MSH6: variants seen among roughly 807,000 people sequenced by gnomAD.
MSH6 encodes mutS homolog 6, also known as DNA mismatch repair protein Msh6.
Under a neutral mutation model 119.1 loss-of-function variants are expected in MSH6, and 85 were observed. The observed-to-expected ratio is 0.71, with a 90% CI of 0.60 to 0.85. The LOEUF (loss-of-function observed/expected upper bound fraction) is 0.85, where lower values mean the gene tolerates loss of function less well. MSH6 is among the 40% of genes least tolerant of loss of function. MSH6 has a pLI of 0.00. For missense variants in MSH6, 2,163 were observed against 1,655.3 expected (o/e 1.31, Z -5.32); for synonymous variants, 830 against 586.9 (o/e 1.41, Z -5.99).
chr2:47,791,092 G>A lies in MSH6; in HGVS notation c.426G>A (p.Trp142Ter), dbSNP rs63750342. 1 of 1,614,130 alleles carries A rather than the reference G, an allele frequency of 6.2e-7. No individual in the cohort carries two copies. Among genetic ancestry groups the A allele is most frequent in the Non-Finnish European group, 8.5e-7 (1 of 1,180,030 alleles). ...QFFDDSPTRG[W>*]VSKRLLKPYT... ...TTGATGACAGCCCAACAAGGGGCTG[G>A]GTTAGCAAAAGGCTTTTAAAGCCAT... The change falls in exon 2 of 10, where the codon TGG (tryptophan) becomes TGA (stop). Residue 142 changes from tryptophan to a stop codon, truncating the protein, a stop_gained. Coordinates refer to ENST00000234420, the MANE Select transcript of MSH6 (RefSeq NM_000179.3). LOFTEE classifies it high-confidence loss of function.
intron 2 of MSH6, among the ~76,000 whole-genome samples, chr2:47,793,829 C>T (rs189300054): frequency 4.6e-5 from 7 of 151,456 alleles, no homozygotes; most frequent in Admixed American, 2.0e-4. Context: ...CTCCTGGGTT[C>T]AAGCGATTCT....
At chr2:47,792,699 C>T (rs1411884663) in intron 2 of MSH6, among the ~76,000 whole-genome samples, 1 of 152,084 alleles carries the variant, frequency 6.6e-6, no homozygotes, top group African/African-American at 2.4e-5. Flanking sequence ...GGGGGTCTCA[C>T]TCTGTCACCC....
chr2:47,793,326 A>ATC (rs1304997519), intron 2 of MSH6, among the ~76,000 whole-genome samples: 8 of 126,018 alleles, frequency 6.3e-5, no homozygotes, highest in Admixed American at 1.5e-4. Context: ...CTCAAAAAAA[A>ATC]AAAAAAAAAA....
chr2:47,788,487 T>G (rs954517560), intron 1 of MSH6, among the ~76,000 whole-genome samples: 2 of 150,416 alleles, frequency 1.3e-5, no homozygotes, highest in Non-Finnish European at 3.0e-5. Flanking sequence ...ACTCCTGACC[T>G]CGTGATCAAC....
At chr2:47,807,132 T>C, downstream of MSH6, 1 of 461,254 alleles carries the variant, frequency 2.2e-6, no homozygotes, top group Non-Finnish European at 3.9e-6. Context: ...GGAAAAGCTA[T>C]GAAACTGTAT....
At chr2:47,783,945 C>G (rs1448508386) in intron 1 of MSH6, 7 of 1,028,762 alleles carry the variant, frequency 6.8e-6, no homozygotes, top group Non-Finnish European at 5.8e-6. Flanking sequence ...TGCGGGAGGC[C>G]GAACGGGGAG....
chr2:47,797,497 T>A (rs1669170764), intron 3 of MSH6, among the ~76,000 whole-genome samples: 1 of 152,224 alleles, frequency 6.6e-6, no homozygotes, highest in Non-Finnish European at 1.5e-5. Context: ...GACAGCCAAT[T>A]GTGGAAGAGC....
intron 1 of MSH6, among the ~76,000 whole-genome samples, chr2:47,785,342 C>G (rs924975201): frequency 6.6e-6 from 1 of 152,144 alleles, no homozygotes; most frequent in Non-Finnish European, 1.5e-5. Flanking sequence ...ATTCTCCTGC[C>G]TCAGCTTCCC....
At chr2:47,786,128 C>T (rs917357621) in intron 1 of MSH6, among the ~76,000 whole-genome samples, 2 of 152,110 alleles carry the variant, frequency 1.3e-5, no homozygotes, top group Non-Finnish European at 1.5e-5. Context: ...AAACCGAAAC[C>T]AGAAGGACAA....
chr2:47,798,589 A>G (rs930734813), intron 3 of MSH6, 22 bp from the exon 4 acceptor site: 3 of 1,604,942 alleles, frequency 1.9e-6, no homozygotes, highest in Non-Finnish European at 8.5e-7. Context: ...TTGTTTTTAA[A>G]TACTCTTTCC....
intron 2 of MSH6, among the ~76,000 whole-genome samples, chr2:47,791,884 T>C (rs374002001): frequency 2.0e-5 from 3 of 152,122 alleles, no homozygotes; most frequent in African/African-American, 7.2e-5. Context: ...TTTGCTCTTT[T>C]GGCCCAGGCT....
chr2:47,804,353 A>C (rs1461093360), intron 5 of MSH6, among the ~76,000 whole-genome samples: 1 of 152,192 alleles, frequency 6.6e-6, no homozygotes, highest in Non-Finnish European at 1.5e-5. Context: ...CAGAACTTGT[A>C]AAGTTTTTTA....
chr2:47,802,592 G>A (rs1198625353), intron 4 of MSH6, among the ~76,000 whole-genome samples: 3 of 149,574 alleles, frequency 2.0e-5, no homozygotes, highest in Non-Finnish European at 4.4e-5. Context: ...CTTGATCTCC[G>A]AAAGAGCTGG....
chr2:47,789,920 T>C (rs1668628716), intron 1 of MSH6, among the ~76,000 whole-genome samples: 1 of 152,010 alleles, frequency 6.6e-6, no homozygotes, highest in Non-Finnish European at 1.5e-5. Flanking sequence ...CCTCCCAGGC[T>C]CAAGCTGTCC....
Position 47,800,253 on chromosome 2 carries a change from C to T in MSH6, c.2270C>T (p.Thr757Ile), listed in dbSNP as rs1553413648. 1 of 1,614,134 alleles carries T rather than the reference C, an allele frequency of 6.2e-7. No individual in the cohort carries two copies. The highest frequency in any genetic ancestry group is 8.5e-7 in the Non-Finnish European group (1 of 1,180,024). The change falls in exon 4 of 10, where the codon ACC becomes ATC. Residue 757 changes from threonine (T) to isoleucine (I), a missense_variant. Physicochemically the swap from Thr to Ile is moderately conservative, Grantham distance 89 (BLOSUM62 -1). Transcript: ENST00000234420. Reference protein sequence around the residue: ...LNGTNGSTEGTLLERVDTCHT... With the variant: ...LNGTNGSTEGILLERVDTCHT... ...GGAACAAATGGTTCTACTGAAGGAA[C>T]CCTACTAGAGAGGGTTGATACTTGC...
chr2:47,791,675 C>CTTTTTTTTTT (rs575880393), intron 2 of MSH6, among the ~76,000 whole-genome samples: 3 of 132,498 alleles, frequency 2.3e-5, no homozygotes, highest in Admixed American at 7.7e-5. Context: ...CTCTTTCTTT[C>CTTTTTTTTTT]TTTTTTTTTT....
intron 2 of MSH6, among the ~76,000 whole-genome samples, chr2:47,795,428 G>GTGTC (rs1214913969): frequency 6.7e-6 from 1 of 148,900 alleles, no homozygotes; most frequent in South Asian, 2.1e-4. Context: ...TTTTATGTGT[G>GTGTC]TGTGTGTGTG....
At chr2:47,803,111 T>C (rs1446915285) in intron 4 of MSH6, among the ~76,000 whole-genome samples, 1 of 152,126 alleles carries the variant, frequency 6.6e-6, no homozygotes, top group African/African-American at 2.4e-5. Context: ...AGAGACGAGG[T>C]TTCACCATGT....
chr2:47,809,769 A>T, downstream of MSH6: 1 of 1,062,810 alleles, frequency 9.4e-7, no homozygotes, highest in Non-Finnish European at 1.4e-6. Context: ...AAAACCTGAA[A>T]TTAGCAAGCA....
Sources: gnomAD v4.1 joint callset for allele counts (sites outside exome capture counted in the v4.1 genomes callset) on GRCh38, gnomAD v4.1.1 for gene constraint, MANE v1.5 for transcripts, NCBI Gene and HGNC (gene_info 2026-07-23, HGNC 2026-07-21) for gene names.